NRG1: variants seen among roughly 807,000 people sequenced by gnomAD.
NRG1 encodes the protein pro-neuregulin-1, membrane-bound isoform.
A neutral mutation model predicts 63.8 loss-of-function variants in NRG1; 18 were observed. The observed-to-expected ratio is 0.28, with a 90% CI of 0.19 to 0.42. NRG1 has a LOEUF of 0.42. NRG1 is among the 10% of genes least tolerant of loss of function. The pLI is 1.00. For missense variants in NRG1, 762 were observed against 814.7 expected (o/e 0.94, Z 0.79); for synonymous variants, 302 against 301.3 (o/e 1.00, Z -0.02).
intron 1 of NRG1, among the ~76,000 whole-genome samples, chr8:32,579,456 C>T (rs1237439556): frequency 6.6e-6 from 1 of 152,112 alleles, no homozygotes; most frequent in Admixed American, 6.5e-5. Context: ...TTGAGGTCAG[C>T]CTCTGGGATT....
intron 1 of NRG1, among the ~76,000 whole-genome samples, chr8:32,123,634 T>C (rs1023981387): frequency 5.4e-5 from 8 of 148,816 alleles, no homozygotes; most frequent in African/African-American, 2.0e-4. Flanking sequence ...TGTGCATTTA[T>C]ATATCATAAT....
chr8:32,515,172 G>A (rs529197959), intron 1 of NRG1, among the ~76,000 whole-genome samples: 2 of 152,204 alleles, frequency 1.3e-5, no homozygotes, highest in Admixed American at 1.3e-4. Context: ...GTAGTTTTAA[G>A]TTCTTTGAGA....
chr8:31,752,642 G>A (rs1333278365), intron 1 of NRG1, among the ~76,000 whole-genome samples: 1 of 152,004 alleles, frequency 6.6e-6, no homozygotes, highest in Non-Finnish European at 1.5e-5. Context: ...TTGAAAATCG[G>A]GATGTGAGGA....
intron 5 of NRG1, among the ~76,000 whole-genome samples, chr8:32,665,344 G>A (rs1803869284): frequency 6.6e-6 from 1 of 152,064 alleles, no homozygotes; most frequent in Non-Finnish European, 1.5e-5. Context: ...ATTACAAAAA[G>A]AGGTAAAAAT....
chr8:32,582,099 T>C (rs1840768290), intron 1 of NRG1, among the ~76,000 whole-genome samples: 2 of 151,890 alleles, frequency 1.3e-5, no homozygotes, highest in African/African-American at 2.4e-5. Context: ...TTATTTTGTT[T>C]TGTTTTATTT....
chr8:31,919,609 A>T (rs1195243274), intron 1 of NRG1, among the ~76,000 whole-genome samples: 1 of 152,134 alleles, frequency 6.6e-6, no homozygotes, highest in East Asian at 1.9e-4. Context: ...GTAATATCGA[A>T]ATATTTCAGA....
At chr8:32,526,482 C>T (rs749722512) in intron 1 of NRG1, among the ~76,000 whole-genome samples, 61 of 152,156 alleles carry the variant, frequency 4.0e-4, no homozygotes, top group Non-Finnish European at 6.3e-4. Context: ...TCACCAGGCC[C>T]GCCCATACTC....
rs1425625633 is a variant in NRG1, at chr8:32,035,500, A to G, written c.37+396069A>G. ...GTTCAAGTTCTGATTATCTTTGTTA[A>G]TTTTCTGTCTTGATGATCTGCCTAA... On this transcript the variant is annotated intron_variant, in intron 1 of 10. Transcript: ENST00000519301. Among the ~76,000 whole-genome samples, 3 of 151,994 alleles carry G rather than the reference A, an allele frequency of 2.0e-5. No individual in the cohort carries two copies. The East Asian group carries it at 5.8e-4, about 30-fold the overall frequency.
At chr8:32,761,560 A>AATTTTATTTTATTTTATTTT (rs10566697) in intron 11 of NRG1, among the ~76,000 whole-genome samples, 55 of 138,614 alleles carry the variant, frequency 4.0e-4, no homozygotes, top group African/African-American at 1.4e-3. Context: ...AAGTCCGCTG[A>AATTTTATTTTATTTTATTTT]ATTTTATTTT....
At chr8:32,039,906 C>A (rs1819672594) in intron 1 of NRG1, among the ~76,000 whole-genome samples, 1 of 151,926 alleles carries the variant, frequency 6.6e-6, no homozygotes, top group South Asian at 2.1e-4. Context: ...TGAATGTAGT[C>A]CAAGCTACTT....
intron 1 of NRG1, among the ~76,000 whole-genome samples, chr8:31,950,277 C>T (rs187702004): frequency 1.4e-4 from 22 of 152,260 alleles, no homozygotes; most frequent in African/African-American, 4.3e-4. Context: ...TTAGTGTAAT[C>T]GGGTTGTTTG....
intron 1 of NRG1, among the ~76,000 whole-genome samples, chr8:31,699,190 TTAA>T (rs1810379356): frequency 4.3e-5 from 1 of 23,294 alleles, no homozygotes; most frequent in Non-Finnish European, 1.7e-4. Flanking sequence ...GGGTTCTGAG[TTAA>T]TAACATTTTT....
At chr8:32,215,509 A>C (rs2132426627) in intron 1 of NRG1, among the ~76,000 whole-genome samples, 1 of 152,264 alleles carries the variant, frequency 6.6e-6, no homozygotes, top group Middle Eastern at 3.4e-3. Context: ...CATCTCACTA[A>C]TCCTCACACA....
intron 5 of NRG1, among the ~76,000 whole-genome samples, chr8:32,643,112 T>G (rs1375941858): frequency 2.0e-5 from 3 of 152,206 alleles, no homozygotes; most frequent in Non-Finnish European, 4.4e-5. Context: ...CAAATATATT[T>G]TACTTTATTC....
chr8:32,059,088 A>G (rs949507384), intron 1 of NRG1, among the ~76,000 whole-genome samples: 3 of 152,116 alleles, frequency 2.0e-5, no homozygotes, highest in African/African-American at 7.2e-5. Context: ...GACCAATGTC[A>G]TGACCTCTAA....
At chr8:32,054,855 CTTTCTTTCTTTTTTTTTTT>C (rs1822594079) in intron 1 of NRG1, among the ~76,000 whole-genome samples, 3 of 56,306 alleles carry the variant, frequency 5.3e-5, no homozygotes, top group African/African-American at 2.2e-4. Flanking sequence ...AAGCAGATTT[CTTTCTTTCTTTTTTTTTTT>C]TTTTTTTTTT....
At chr8:32,748,377 A>AGAGAGC (rs1827976001) in intron 7 of NRG1, among the ~76,000 whole-genome samples, 1 of 151,682 alleles carries the variant, frequency 6.6e-6, no homozygotes, top group Non-Finnish European at 1.5e-5. Context: ...AGAGAGAGAG[A>AGAGAGC]GAGAGAGAGA....
chr8:31,763,124 T>A (rs776363828), intron 1 of NRG1, among the ~76,000 whole-genome samples: 6 of 152,216 alleles, frequency 3.9e-5, no homozygotes, highest in Non-Finnish European at 7.3e-5. Context: ...GTAACTCCTG[T>A]TCATGATTAA....
At chr8:32,598,398 T>C (rs973035767) in intron 2 of NRG1, among the ~76,000 whole-genome samples, 10 of 152,048 alleles carry the variant, frequency 6.6e-5, no homozygotes, top group African/African-American at 2.4e-4. Context: ...CTAGAATGAA[T>C]AGGCTTTAGA....
Sources: gnomAD v4.1 joint callset for allele counts (sites outside exome capture counted in the v4.1 genomes callset) on GRCh38, gnomAD v4.1.1 for gene constraint, MANE v1.5 for transcripts, NCBI Gene and HGNC (gene_info 2026-07-23, HGNC 2026-07-21) for gene names.